The following NLRP5 variants were observed in gnomAD, a reference collection of about 807,000 sequenced individuals.
NLRP5 encodes NLR family pyrin domain containing 5, also known as NACHT, LRR and PYD domains-containing protein 5.
In NLRP5, 93 loss-of-function variants were observed where a neutral mutation model predicts 113.1. The ratio of observed to expected loss-of-function variants is 0.82; its 90% CI spans 0.70 to 0.98. The LOEUF (loss-of-function observed/expected upper bound fraction) is 0.98, where lower values mean the gene tolerates loss of function less well. NLRP5 is among the 50% of genes least tolerant of loss of function. NLRP5 has a pLI of 0.00. For synonymous variants in NLRP5, 751 were observed against 600.7 expected (o/e 1.25, Z -3.66); for missense variants, 1,808 against 1,514.3 (o/e 1.19, Z -3.22).
At chr19:56,001,909 A>AC (rs1378843679) in intron 1 of NLRP5, among the ~76,000 whole-genome samples, 1 of 152,100 alleles carries the variant, frequency 6.6e-6, no homozygotes, top group East Asian at 1.9e-4. Flanking sequence ...GGTGGGGGGA[A>AC]AGGAGATTTG....
intron 9 of NLRP5, among the ~76,000 whole-genome samples, chr19:56,035,559 G>A (rs186411585): frequency 5.3e-5 from 8 of 152,286 alleles, no homozygotes; most frequent in Non-Finnish European, 8.8e-5. Context: ...GATGGATGGA[G>A]GCTATTTGGG....
intron 6 of NLRP5, among the ~76,000 whole-genome samples, chr19:56,025,386 T>TTCTC (rs3055366): frequency 0.052 from 7,678 of 146,500 alleles, 206 homozygotes; most frequent in East Asian, 0.094. Context: ...ACGTGCTCCG[T>TTCTC]TCTCTCTCTC....
the NLRP5 span, chr19:55,988,084 C>T: frequency 1.0e-4 from 61 of 590,132 alleles, no homozygotes; most frequent in East Asian, 1.8e-3. Flanking sequence ...GACGGTGATG[C>T]CCTGTGTGTA....
chr19:56,026,526 T>C (rs1219878675), intron 6 of NLRP5, among the ~76,000 whole-genome samples: 1 of 8,668 alleles, frequency 1.2e-4, no homozygotes, highest in Non-Finnish European at 3.1e-4. Flanking sequence ...AGACTCCATC[T>C]CAAAAAAAAA....
chr19:56,031,399 T>C (rs1455671489), intron 7 of NLRP5, among the ~76,000 whole-genome samples: 4 of 151,810 alleles, frequency 2.6e-5, no homozygotes, highest in Admixed American at 6.6e-5. Context: ...GAGGCCAAGG[T>C]GGGTGGATCA....
At chr19:56,024,584 T>TACACACACACAC (rs369128981) in intron 6 of NLRP5, among the ~76,000 whole-genome samples, 119 of 147,310 alleles carry the variant, frequency 8.1e-4, no homozygotes, top group African/African-American at 2.5e-3. Flanking sequence ...TATATATACA[T>TACACACACACAC]ACACACACAC....
chr19:55,988,050 C>T, the NLRP5 span: 3 of 665,308 alleles, frequency 4.5e-6, no homozygotes, highest in East Asian at 8.4e-5. Context: ...ACCACAGAAC[C>T]TCAGCTTTGA....
In NLRP5 at chr19:56,027,450, T is replaced by C. The variant is rs750298337; in HGVS notation, c.1217T>C (p.Ile406Thr). 3.1e-6 allele frequency: 5 copies of C among 1,613,756 alleles called. No individual in the cohort carries two copies. In the Admixed American group the frequency reaches 8.3e-5, roughly 27 times the overall value. Residue 406 changes from isoleucine (I) to threonine (T), a missense_variant, in exon 7 of 15, where the codon ATC (isoleucine) becomes ACC (threonine). Ile to Thr is a moderately conservative substitution (Grantham distance 89, BLOSUM62 -1). Transcript: ENST00000390649. Reference sequence around the variant, plus strand: ...GTCCTGCTCCCTGAGTCCTTCCTGATCGTCACCGTCAGAGACGTGGGCACA... The same window carrying C: ...GTCCTGCTCCCTGAGTCCTTCCTGACCGTCACCGTCAGAGACGTGGGCACA...
intron 4 of NLRP5, chr19:56,018,624 T>C (rs1982496203): frequency 6.6e-6 from 1 of 152,198 alleles, no homozygotes; most frequent in Non-Finnish European, 1.5e-5. Flanking sequence ...AGTTTTGCTG[T>C]ATTGCTGAGA....
In NLRP5 at chr19:56,027,232, A is replaced by T; in HGVS notation, c.999A>T (p.Thr333=). The change falls in exon 7 of 15, where the codon ACA becomes ACT. Residue 333 remains threonine (T), a synonymous_variant. Transcript: ENST00000390649. ...AGCGGAAGAAGGAGAGCAGTGTCAC[A>T]GAGTTCATCTCCAGGGAGTGGCCAG... 6.2e-7 allele frequency: 1 copy of T among 1,612,840 alleles called. No individual in the cohort carries two copies. Among genetic ancestry groups the T allele is most frequent in the Non-Finnish European group, 8.5e-7 (1 of 1,179,666 alleles).
chr19:56,021,029 G>GC (rs1982594811), intron 6 of NLRP5, among the ~76,000 whole-genome samples: 1 of 151,868 alleles, frequency 6.6e-6, no homozygotes, highest in African/African-American at 2.4e-5. Flanking sequence ...CTGCCACCAT[G>GC]CCCGACTAAT....
chr19:56,027,007 T>C lies in NLRP5; in HGVS notation c.774T>C (p.Ala258=). 6.4e-7 allele frequency: 1 copy of C among 1,551,910 alleles called. No individual in the cohort carries two copies. ...GTCGTAGTTTTGAAAACACTGCTGC[T>C]GACTGGCCGGAAATGCAAACGTTGG... Residue 258 remains alanine (A), a synonymous_variant, in exon 7 of 15, where the codon GCT becomes GCC. Coordinates refer to ENST00000390649, the MANE Select transcript of NLRP5 (RefSeq NM_153447.4).
intron 6 of NLRP5, among the ~76,000 whole-genome samples, chr19:56,021,935 G>GT (rs1243605506): frequency 6.6e-6 from 1 of 152,174 alleles, no homozygotes; most frequent in Non-Finnish European, 1.5e-5. Context: ...GGGTGGTGAT[G>GT]CCAGGAGTCA....
At chr19:56,043,101 T>G (rs1248417722) in intron 11 of NLRP5, among the ~76,000 whole-genome samples, 1 of 152,166 alleles carries the variant, frequency 6.6e-6, no homozygotes, top group Non-Finnish European at 1.5e-5. Context: ...TATTGACTAC[T>G]TTTTCTCTGG....
intron 3 of NLRP5, among the ~76,000 whole-genome samples, chr19:56,015,368 G>GC (rs1982364641): frequency 6.6e-6 from 1 of 152,002 alleles, no homozygotes; most frequent in Non-Finnish European, 1.5e-5. Flanking sequence ...CTAATTTTTT[G>GC]AATTTTTAGT....
intron 3 of NLRP5, among the ~76,000 whole-genome samples, chr19:56,013,595 G>GTTTTTTTTTTT (rs1418924718): frequency 6.5e-5 from 2 of 30,984 alleles, no homozygotes; most frequent in African/African-American, 1.9e-4. Context: ...TGGACATTTG[G>GTTTTTTTTTTT]GTTTTTTTTT....
chr19:56,050,803 C>A (rs1983906923), intron 12 of NLRP5, among the ~76,000 whole-genome samples: 1 of 152,174 alleles, frequency 6.6e-6, no homozygotes, highest in South Asian at 2.1e-4. Flanking sequence ...ACCATGAGTT[C>A]TGAGAAGCCC....
At chr19:56,044,747 A>G (rs969521517) in intron 11 of NLRP5, among the ~76,000 whole-genome samples, 1 of 152,062 alleles carries the variant, frequency 6.6e-6, no homozygotes, top group African/African-American at 2.4e-5. Context: ...GTGAAGAATG[A>G]TGGTGGTATT....
intron 3 of NLRP5, among the ~76,000 whole-genome samples, chr19:56,011,317 G>C (rs1470092759): frequency 1.3e-5 from 2 of 151,980 alleles, no homozygotes; most frequent in African/African-American, 4.8e-5. Context: ...CTAGATTAGT[G>C]GTTGCCTAGG....
Sources: gnomAD v4.1 joint callset for allele counts (sites outside exome capture counted in the v4.1 genomes callset) on GRCh38, gnomAD v4.1.1 for gene constraint, MANE v1.5 for transcripts, NCBI Gene and HGNC (gene_info 2026-07-23, HGNC 2026-07-21) for gene names.